NCKAP1: variants seen among roughly 807,000 people sequenced by gnomAD.
NCKAP1 encodes the protein nck-associated protein 1.
NCKAP1 carries 21 observed loss-of-function variants against 151.2 expected under a neutral mutation model. That is an observed-to-expected ratio of 0.14 (90% confidence interval 0.10 to 0.20). NCKAP1 has a LOEUF of 0.20. NCKAP1 is among the 10% of genes least tolerant of loss of function. NCKAP1 has a pLI of 1.00. For synonymous variants in NCKAP1, 484 were observed against 451.8 expected (o/e 1.07, Z -0.90); for missense variants, 933 against 1,352.1 (o/e 0.69, Z 4.86).
Position 182,915,694 on chromosome 2 carries a change from G to C in NCKAP1, c.*10008C>G, listed in dbSNP as rs1236779404. The C allele has an allele frequency of 6.6e-6, 1 of 152,164 alleles. No homozygotes were observed. Among genetic ancestry groups the C allele is most frequent in the Non-Finnish European group, 1.5e-5 (1 of 68,034 alleles). 9.4% of individuals were successfully genotyped at this position (152,164 alleles called of 1,614,324 possible). A position where few individuals can be genotyped will look rare whatever the true frequency, so the allele number is the denominator to read the frequency against. On this transcript the variant is annotated 3_prime_UTR_variant, in exon 31 of 31. Coordinates refer to ENST00000361354, the MANE Select transcript of NCKAP1 (RefSeq NM_013436.5). Reference sequence around the variant, plus strand: ...CAGCTTGACTATAGGAGGCATTTCTGTAAAGGGGTAAGATTACAGTTAAGT... The same window carrying C: ...CAGCTTGACTATAGGAGGCATTTCTCTAAAGGGGTAAGATTACAGTTAAGT...
chr2:182,960,443 C>A (rs1697422910), intron 18 of NCKAP1, among the ~76,000 whole-genome samples: 1 of 152,324 alleles, frequency 6.6e-6, no homozygotes, highest in Middle Eastern at 3.4e-3. Context: ...CTACAACCAT[C>A]TGATCTTTGA....
intron 2 of NCKAP1, among the ~76,000 whole-genome samples, chr2:183,006,244 T>C (rs1190609785): frequency 6.6e-6 from 1 of 152,170 alleles, no homozygotes; most frequent in Non-Finnish European, 1.5e-5. Context: ...ATCTCTAGCC[T>C]AATACCCTCC....
At chr2:183,013,638 G>A (rs924448992) in intron 2 of NCKAP1, among the ~76,000 whole-genome samples, 2 of 151,914 alleles carry the variant, frequency 1.3e-5, no homozygotes, top group African/African-American at 2.4e-5. Flanking sequence ...ATTCTCTACC[G>A]AGTAGCCATA....
At chr2:182,965,620 A>G (rs1461663445) in intron 16 of NCKAP1, among the ~76,000 whole-genome samples, 1 of 152,210 alleles carries the variant, frequency 6.6e-6, no homozygotes, top group Non-Finnish European at 1.5e-5. Flanking sequence ...TTTATTTTGG[A>G]TGTGACAGGC....
At chr2:182,983,168 TA>T in intron 11 of NCKAP1, 117 bp downstream of exon 11, 1 of 818,462 alleles carries the variant, frequency 1.2e-6, no homozygotes, top group Non-Finnish European at 1.9e-6. Context: ...CATTCTCCAC[TA>T]AATATAAAAA....
At chr2:183,037,757 G>C (rs893227949) in intron 1 of NCKAP1, among the ~76,000 whole-genome samples, 2 of 152,032 alleles carry the variant, frequency 1.3e-5, no homozygotes, top group Admixed American at 6.5e-5. Flanking sequence ...TCCCGCCGCC[G>C]GGAGCCGGGA....
chr2:182,939,706 G>C (rs934286539), intron 24 of NCKAP1, among the ~76,000 whole-genome samples: 10 of 152,074 alleles, frequency 6.6e-5, no homozygotes, highest in South Asian at 2.1e-4. Context: ...TATGGACATG[G>C]GGAGAAGGAA....
Position 182,913,786 on chromosome 2 carries a change from G to A in NCKAP1, c.*11916C>T, listed in dbSNP as rs1395702955. Reference sequence around the variant, plus strand: ...TACTTCCTAATTCTCATCCTCTCATGCTTCTTTGCTTCTCTGTCTGCATCT... The same window carrying A: ...TACTTCCTAATTCTCATCCTCTCATACTTCTTTGCTTCTCTGTCTGCATCT... On this transcript the variant is annotated 3_prime_UTR_variant, in exon 31 of 31. Coordinates refer to ENST00000361354, the MANE Select transcript of NCKAP1 (RefSeq NM_013436.5). 1 of 152,098 alleles carries A rather than the reference G, an allele frequency of 6.6e-6. No individual in the cohort carries two copies. The highest frequency in any genetic ancestry group is 1.5e-5 in the Non-Finnish European group (1 of 68,040). 9.4% of individuals were successfully genotyped at this position (152,098 alleles called of 1,614,324 possible).
intron 24 of NCKAP1, among the ~76,000 whole-genome samples, chr2:182,937,193 A>G (rs180872650): frequency 7.8e-4 from 117 of 149,390 alleles, no homozygotes; most frequent in South Asian, 1.3e-3. Flanking sequence ...ATATAGCCAT[A>G]TATTTTCCAA....
Position 182,934,756 on chromosome 2 carries a change from A to G in NCKAP1, c.2855T>C (p.Met952Thr), listed in dbSNP as rs1203457545. 2.1e-6 allele frequency: 3 copies of G among 1,419,824 alleles called. No homozygotes were observed. Among genetic ancestry groups the G allele is most frequent in the Admixed American group, 1.8e-5 (1 of 55,106 alleles). 88.0% of individuals were successfully genotyped at this position (1,419,824 alleles called of 1,614,324 possible). ...FKDHIPRETD[M>T]KVAMNVYELS... ...AACTATAAATTATATTATTACCTTC[A>G]TATCAGTTTCCCTTGGAATGTGATC... Residue 952 changes from methionine (M) to threonine (T), a missense_variant, in exon 26 of 31, where the codon ATG becomes ACG. Transcript: ENST00000361354.
chr2:182,933,860 C>T (rs998277705), intron 26 of NCKAP1, among the ~76,000 whole-genome samples: 6 of 152,172 alleles, frequency 3.9e-5, no homozygotes, highest in East Asian at 1.9e-4. Flanking sequence ...ATGTAAACCC[C>T]GATATATCAC....
Position 183,003,274 on chromosome 2 carries a change from C to T in NCKAP1, c.271G>A (p.Ala91Thr), listed in dbSNP as rs774900528. ...TCTACAAATGTGAAGTAATATAATG[C>T]CAGATTTTTCAGAATCTCTGATTTT... is the stretch of plus-strand genomic sequence containing the variant. ...KEKSEILKNLALYYFTFVDVM... is the reference protein window; with the variant it reads ...KEKSEILKNLTLYYFTFVDVM... The change falls in exon 3 of 31, where the codon GCA (alanine) becomes ACA (threonine). Residue 91 changes from alanine (A) to threonine (T), a missense_variant. Physicochemically the swap from Ala to Thr is moderately conservative, Grantham distance 58. Transcript: ENST00000361354. 2.5e-6 allele frequency: 4 copies of T among 1,596,662 alleles called. No individual in the cohort carries two copies. The highest frequency in any genetic ancestry group is 3.4e-6 in the Non-Finnish European group (4 of 1,171,064).
At position 182,964,626 on chromosome 2, in the gene NCKAP1, T is replaced by C. The variant is rs111942627; in HGVS notation, c.1761+50A>G. The C allele has an allele frequency of 1.3e-5, 18 of 1,434,826 alleles. 1 individual carries two copies. The African/African-American group carries it at 1.7e-4, about 14-fold the overall frequency. The allele number at this position is 1,434,826 out of a possible 1,614,324, so 88.9% of individuals were successfully genotyped here. On this transcript the variant is annotated intron_variant, in intron 17 of 30. Transcript: ENST00000361354. Reference sequence around the variant, plus strand: ...AATATTTGGTTGGCTACAGGTTTGATCTAGTTTACTTTGCATACCATATAA... The same window carrying C: ...AATATTTGGTTGGCTACAGGTTTGACCTAGTTTACTTTGCATACCATATAA...
chr2:182,926,786 ATT>A (rs1374410842), intron 30 of NCKAP1, 28 bp downstream of exon 30: 2 of 1,435,678 alleles, frequency 1.4e-6, no homozygotes, highest in African/African-American at 2.9e-5. Flanking sequence ...GAACTTTTTT[ATT>A]GTTAGTAAAA....
intron 26 of NCKAP1, among the ~76,000 whole-genome samples, chr2:182,931,868 T>C (rs562777421): frequency 3.3e-5 from 5 of 152,166 alleles, no homozygotes; most frequent in East Asian, 3.9e-4. Flanking sequence ...AGTAAACATA[T>C]GAAAACATGT....
intron 8 of NCKAP1, 53 bp from the exon 9 acceptor site, chr2:182,989,239 T>A: frequency 6.9e-7 from 1 of 1,453,670 alleles, no homozygotes; most frequent in Middle Eastern, 1.8e-4. Flanking sequence ...TATTCCAAAG[T>A]TTGGTGACAG....
chr2:183,026,813 T>C (rs1698906996), intron 1 of NCKAP1, among the ~76,000 whole-genome samples: 1 of 152,176 alleles, frequency 6.6e-6, no homozygotes, highest in African/African-American at 2.4e-5. Context: ...ATGTAAAGCA[T>C]TTAGCAAAAT....
At chr2:182,978,148 C>A (rs1697863491) in intron 14 of NCKAP1, among the ~76,000 whole-genome samples, 1 of 152,122 alleles carries the variant, frequency 6.6e-6, no homozygotes, top group Non-Finnish European at 1.5e-5. Flanking sequence ...AGTTTCATTA[C>A]TTAGATGTGG....
intron 1 of NCKAP1, among the ~76,000 whole-genome samples, 173 bp from the exon 2 acceptor site, chr2:183,024,089 T>A (rs1292749887): frequency 6.6e-6 from 1 of 151,994 alleles, no homozygotes; most frequent in Non-Finnish European, 1.5e-5. Flanking sequence ...TGGGAGACAG[T>A]ACAGAGATGT....
Sources: gnomAD v4.1 joint callset for allele counts (sites outside exome capture counted in the v4.1 genomes callset) on GRCh38, gnomAD v4.1.1 for gene constraint, MANE v1.5 for transcripts, NCBI Gene and HGNC (gene_info 2026-07-23, HGNC 2026-07-21) for gene names.